Variants in PCCA observed in about 807,000 individuals in gnomAD.
The protein encoded by PCCA is propionyl-CoA carboxylase subunit alpha.
In PCCA, 74 loss-of-function variants were observed where a neutral mutation model predicts 101.3. That is an observed-to-expected ratio of 0.73 (90% CI 0.61 to 0.89). The LOEUF (loss-of-function observed/expected upper bound fraction) is 0.89, where lower values mean the gene tolerates loss of function less well. Among genes scored for constraint, PCCA ranks in the 40% least tolerant of loss-of-function variants. PCCA has a pLI of 0.00. For missense variants in PCCA, 891 were observed against 907.0 expected, an observed-to-expected ratio of 0.98 and a Z score of 0.23; for synonymous variants, 294 against 313.6, an observed-to-expected ratio of 0.94 and a Z score of 0.66.
At chr13:100,503,434 G>C (rs909602389) in intron 21 of PCCA, among the ~76,000 whole-genome samples, 1 of 152,208 alleles carries the variant, frequency 6.6e-6, no homozygotes, top group Non-Finnish European at 1.5e-5. Context: ...AGGTTGTGGT[G>C]AGCCGAGGTT....
intron 6 of PCCA, chr13:100,160,966 A>G (rs2054402347): frequency 7.6e-6 from 1 of 132,166 alleles, no homozygotes; most frequent in Admixed American, 8.0e-5. Flanking sequence ...TTGTGTTTGG[A>G]TCCTATCTGT....
At chr13:100,202,063 C>T (rs1241785369) in intron 6 of PCCA, among the ~76,000 whole-genome samples, 2 of 150,438 alleles carry the variant, frequency 1.3e-5, no homozygotes, top group African/African-American at 2.5e-5. Flanking sequence ...AGCCTGGTGG[C>T]TCATGCCTGC....
Position 100,325,362 on chromosome 13 carries a change from G to A in PCCA, c.1430-5199G>A, listed in dbSNP as rs1468739036. ...GCTGGAGAATGTATTGCCAACCAAGGATGGTTTGATAATTTTAGAAAGAGA... is the reference window on the plus strand; with the variant it reads ...GCTGGAGAATGTATTGCCAACCAAGAATGGTTTGATAATTTTAGAAAGAGA... On this transcript the variant is annotated intron_variant, in intron 16 of 23. Coordinates refer to ENST00000376285, the MANE Select transcript of PCCA (RefSeq NM_000282.4). Among the ~76,000 whole-genome samples the A allele has an allele frequency of 3.3e-5, 5 of 152,172 alleles. 1 individual carries two copies. Among genetic ancestry groups the A allele is most frequent in the Admixed American group, 1.3e-4 (2 of 15,274 alleles).
chr13:100,524,947 G>A (rs542293504), intron 22 of PCCA, among the ~76,000 whole-genome samples: 2 of 151,106 alleles, frequency 1.3e-5, no homozygotes, highest in South Asian at 2.1e-4. Context: ...GATTAGATAG[G>A]ATAGATAGGA....
chr13:100,525,665 T>G (rs928090139), intron 22 of PCCA, among the ~76,000 whole-genome samples: 1 of 152,224 alleles, frequency 6.6e-6, no homozygotes, highest in Admixed American at 6.5e-5. Context: ...CCGCAGATTC[T>G]GAGCAAGGGG....
intron 20 of PCCA, among the ~76,000 whole-genome samples, chr13:100,447,863 G>A (rs1050491595): frequency 3.3e-5 from 5 of 152,112 alleles, no homozygotes; most frequent in African/African-American, 1.2e-4. Flanking sequence ...ACCTCCCTCC[G>A]TCAAGGAACC....
chr13:100,518,781 A>G (rs1566499201), intron 22 of PCCA, among the ~76,000 whole-genome samples: 1 of 152,208 alleles, frequency 6.6e-6, no homozygotes, highest in South Asian at 2.1e-4. Context: ...AACTCATTTC[A>G]GTTTGAAAAC....
chr13:100,112,396 G>C (rs1457486509), intron 4 of PCCA, among the ~76,000 whole-genome samples: 1 of 152,054 alleles, frequency 6.6e-6, no homozygotes, highest in African/African-American at 2.4e-5. Context: ...CTTTCCCCCA[G>C]CATAGCTTCA....
At chr13:100,319,041 A>G (rs1237124027) in intron 16 of PCCA, among the ~76,000 whole-genome samples, 1 of 152,118 alleles carries the variant, frequency 6.6e-6, no homozygotes, top group Admixed American at 6.5e-5. Context: ...CTGGTGTGAG[A>G]TGGTATCTCA....
intron 21 of PCCA, among the ~76,000 whole-genome samples, chr13:100,507,550 C>G (rs1049257303): frequency 1.3e-5 from 2 of 152,194 alleles, no homozygotes; most frequent in African/African-American, 4.8e-5. Context: ...TTAGGCCTCT[C>G]TTATGATACA....
chr13:100,200,208 T>C (rs6491552), intron 6 of PCCA, among the ~76,000 whole-genome samples: 107,115 of 152,144 alleles, frequency 0.7, 38,744 homozygotes, highest in African/African-American at 0.88. Context: ...GGGTTCACAC[T>C]GTTCTCCTGC....
chr13:100,412,859 T>C (rs1471998591), intron 19 of PCCA, among the ~76,000 whole-genome samples: 1 of 152,212 alleles, frequency 6.6e-6, no homozygotes, highest in African/African-American at 2.4e-5. Flanking sequence ...GGAGTTTTAT[T>C]GTTCATGCTT....
chr13:100,184,803 A>G (rs1298591819), intron 6 of PCCA, among the ~76,000 whole-genome samples: 2 of 152,216 alleles, frequency 1.3e-5, no homozygotes, highest in East Asian at 3.9e-4. Flanking sequence ...ATTTAAAAAC[A>G]TAAAAAACCT....
intron 6 of PCCA, among the ~76,000 whole-genome samples, chr13:100,161,956 GA>G (rs1213619916): frequency 6.6e-6 from 1 of 152,032 alleles, no homozygotes; most frequent in East Asian, 1.9e-4. Context: ...AAAATGCTAA[GA>G]AATTTAAGCA....
chr13:100,512,112 C>T (rs1189929016), intron 21 of PCCA, among the ~76,000 whole-genome samples: 1 of 152,184 alleles, frequency 6.6e-6, no homozygotes. Flanking sequence ...CACTCTCAGC[C>T]CCCAGGCTTT....
At chr13:100,251,060 C>T (rs2061720896) in intron 8 of PCCA, among the ~76,000 whole-genome samples, 2 of 152,024 alleles carry the variant, frequency 1.3e-5, no homozygotes. Flanking sequence ...ATGGGGGCAA[C>T]TGTAGTAGTG....
chr13:100,240,709 T>A (rs1338104285), intron 8 of PCCA, among the ~76,000 whole-genome samples: 2 of 152,220 alleles, frequency 1.3e-5, no homozygotes, highest in African/African-American at 4.8e-5. Flanking sequence ...TATTAACCTT[T>A]TTCTAGATTT....
intron 21 of PCCA, among the ~76,000 whole-genome samples, chr13:100,477,975 C>T (rs775567052): frequency 1.5e-4 from 23 of 152,250 alleles, no homozygotes; most frequent in Non-Finnish European, 2.8e-4. Context: ...CCTGCGCTGA[C>T]GGCCGCTCCA....
chr13:100,378,154 C>T (rs912605261), intron 19 of PCCA, among the ~76,000 whole-genome samples: 1 of 152,138 alleles, frequency 6.6e-6, no homozygotes, highest in Non-Finnish European at 1.5e-5. Context: ...GTTTGCTTGT[C>T]TGGGAAAGAC....
Sources: gnomAD v4.1 joint callset for allele counts (sites outside exome capture counted in the v4.1 genomes callset) on GRCh38, gnomAD v4.1.1 for gene constraint, MANE v1.5 for transcripts, NCBI Gene and HGNC (gene_info 2026-07-23, HGNC 2026-07-21) for gene names.